The following MED27 variants were observed in gnomAD, a reference collection of about 807,000 sequenced individuals.
MED27 encodes mediator complex subunit 27, also known as mediator of RNA polymerase II transcription subunit 27.
Under a neutral mutation model 38.2 loss-of-function variants are expected in MED27, and 30 were observed. The observed-to-expected ratio is 0.79, with a 90% CI of 0.59 to 1.07. MED27 has a LOEUF of 1.07. Ranked by LOEUF, MED27 falls within the 50% of genes least tolerant of loss-of-function variation. The pLI is 0.00. For missense variants in MED27, 289 were observed against 397.5 expected (o/e 0.73, Z 2.32); for synonymous variants, 122 against 153.5 (o/e 0.79, Z 1.52).
chr9:132,012,441 T>C (rs1832504993), intron 3 of MED27, among the ~76,000 whole-genome samples: 1 of 152,300 alleles, frequency 6.6e-6, no homozygotes, highest in East Asian at 1.9e-4. Context: ...CACAAGCTAC[T>C]TGTCGAGGCT....
chr9:131,878,366 C>T (rs190367616), intron 6 of MED27, among the ~76,000 whole-genome samples: 3 of 152,080 alleles, frequency 2.0e-5, no homozygotes, highest in East Asian at 1.9e-4. Context: ...CAAGCGGCAC[C>T]CTGCCCAGAA....
chr9:131,939,523 G>C, intron 3 of MED27, 49 bp from the exon 4 acceptor site: 2 of 1,205,808 alleles, frequency 1.7e-6, no homozygotes, highest in Non-Finnish European at 2.4e-6. Context: ...CCAGTTAAGA[G>C]CTACAGATTA....
chr9:131,942,677 G>A (rs750716311), intron 3 of MED27, among the ~76,000 whole-genome samples: 19 of 152,152 alleles, frequency 1.2e-4, no homozygotes, highest in South Asian at 8.3e-4. Flanking sequence ...CCTTGAAGGC[G>A]TCAAGATACA....
At chr9:132,067,985 T>G (rs1309882386) in intron 2 of MED27, among the ~76,000 whole-genome samples, 1 of 152,174 alleles carries the variant, frequency 6.6e-6, no homozygotes, top group African/African-American at 2.4e-5. Context: ...TTCGTAATAG[T>G]TGAAGCTAGG....
At chr9:131,954,953 A>C (rs1831067428) in intron 3 of MED27, among the ~76,000 whole-genome samples, 1 of 152,192 alleles carries the variant, frequency 6.6e-6, no homozygotes, top group African/African-American at 2.4e-5. Context: ...AGAATACAGA[A>C]GACTTGAACA....
At chr9:131,938,703 GTTTTCTTTTT>G (rs1333845247) in intron 4 of MED27, among the ~76,000 whole-genome samples, 247 of 151,462 alleles carry the variant, frequency 1.6e-3, no homozygotes, top group Non-Finnish European at 3.1e-3. Flanking sequence ...TTAAGAGAGT[GTTTTCTTTTT>G]TTTTCTTTTT....
chr9:131,973,596 G>A (rs1030980463), intron 3 of MED27, among the ~76,000 whole-genome samples: 10 of 151,300 alleles, frequency 6.6e-5, no homozygotes, highest in African/African-American at 2.4e-4. Context: ...ACTTGGCTTT[G>A]TCTTGTCTGA....
chr9:132,019,124 C>T (rs1005381576), intron 2 of MED27, among the ~76,000 whole-genome samples: 10 of 152,278 alleles, frequency 6.6e-5, no homozygotes, highest in African/African-American at 9.6e-5. Context: ...CTGGGAAAAA[C>T]GCCCAGAAAA....
Position 131,986,373 on chromosome 9 carries a change from G to A in MED27, c.479+27964C>T, listed in dbSNP as rs1035090754. Among the ~76,000 whole-genome samples the A allele has an allele frequency of 2.0e-5, 3 of 152,152 alleles. No homozygotes were observed. The East Asian group carries it at 5.8e-4, about 29-fold the overall frequency. On this transcript the variant is annotated intron_variant, in intron 3 of 7. Transcript: ENST00000292035. ...TTTTGGTTTGTTTGTTATAGAGGCA[G>A]GGTCTTGCTATGTCGCCCAGGCTGG... is the stretch of plus-strand genomic sequence containing the variant.
intron 2 of MED27, among the ~76,000 whole-genome samples, chr9:132,041,816 C>T (rs542416150): frequency 7.9e-5 from 12 of 152,324 alleles, no homozygotes; most frequent in African/African-American, 1.9e-4. Context: ...GCCTGGCCTA[C>T]GGTGGCAGCT....
At chr9:131,907,829 C>A (rs1482676295) in intron 4 of MED27, among the ~76,000 whole-genome samples, 1 of 151,034 alleles carries the variant, frequency 6.6e-6, no homozygotes, top group Non-Finnish European at 1.5e-5. Context: ...CTCTGCCCGG[C>A]CGCCCATCGT....
At chr9:131,925,655 A>G (rs1262758421) in intron 4 of MED27, among the ~76,000 whole-genome samples, 2 of 152,256 alleles carry the variant, frequency 1.3e-5, no homozygotes, top group Non-Finnish European at 2.9e-5. Flanking sequence ...TTTAAAATAA[A>G]TTAAGTTAAA....
chr9:131,956,835 A>C (rs932022646), intron 3 of MED27, among the ~76,000 whole-genome samples: 13 of 152,164 alleles, frequency 8.5e-5, no homozygotes, highest in Admixed American at 6.5e-4. Flanking sequence ...TAAAAAAAAA[A>C]AAACACATAC....
At chr9:131,940,065 C>A (rs755281174) in intron 3 of MED27, among the ~76,000 whole-genome samples, 1 of 151,956 alleles carries the variant, frequency 6.6e-6, no homozygotes, top group Non-Finnish European at 1.5e-5. Flanking sequence ...CCCCACCACA[C>A]CTGGCTACTT....
At chr9:131,869,449 G>T in intron 6 of MED27, 1 of 970,222 alleles carries the variant, frequency 1.0e-6, no homozygotes, top group Non-Finnish European at 1.2e-6. Flanking sequence ...GGCAGCCGAG[G>T]TTCGGTCCCA....
At chr9:131,971,506 G>A (rs910648875) in intron 3 of MED27, among the ~76,000 whole-genome samples, 8 of 152,188 alleles carry the variant, frequency 5.3e-5, no homozygotes, top group Non-Finnish European at 1.0e-4. Flanking sequence ...ACAATTAGGG[G>A]CAAAATTAAA....
At chr9:131,965,873 C>T (rs933767508) in intron 3 of MED27, among the ~76,000 whole-genome samples, 3 of 151,832 alleles carry the variant, frequency 2.0e-5, no homozygotes, top group Admixed American at 6.6e-5. Flanking sequence ...CCACCACCAC[C>T]CGCTGGGAAT....
chr9:131,948,195 T>C (rs1051252001), intron 3 of MED27, among the ~76,000 whole-genome samples: 30 of 152,108 alleles, frequency 2.0e-4, no homozygotes, highest in Non-Finnish European at 4.3e-4. Context: ...TTCTAAACTG[T>C]ACAACCAGGC....
At chr9:132,017,666 G>T (rs1319027756) in intron 2 of MED27, among the ~76,000 whole-genome samples, 1 of 152,192 alleles carries the variant, frequency 6.6e-6, no homozygotes, top group Admixed American at 6.5e-5. Context: ...TGCTCCACAG[G>T]AACAGCCATT....
Sources: allele counts gnomAD v4.1 joint callset (sites outside exome capture counted in the v4.1 genomes callset), GRCh38; gene constraint gnomAD v4.1.1; transcripts MANE v1.5; gene names NCBI Gene and HGNC (gene_info 2026-07-23, HGNC 2026-07-21).